Variants in MCF2L2 observed in about 807,000 individuals in gnomAD.
MCF2L2 encodes the protein MCF.2 cell line derived transforming sequence-like 2.
Under a neutral mutation model 150.2 loss-of-function variants are expected in MCF2L2, and 102 were observed. That is an observed-to-expected ratio of 0.68 (90% CI 0.58 to 0.80). MCF2L2 has a LOEUF of 0.80. MCF2L2 is among the 30% of genes least tolerant of loss of function. The pLI, the probability that MCF2L2 is intolerant of heterozygous loss-of-function variation, is 0.00. For synonymous variants in MCF2L2, 465 were observed against 491.3 expected (o/e 0.95, Z 0.71); for missense variants, 1,256 against 1,372.8 (o/e 0.91, Z 1.34).
chr3:183,374,133 C>G (rs1713044916), intron 3 of MCF2L2: 1 of 152,884 alleles, frequency 6.5e-6, no homozygotes, highest in South Asian at 2.1e-4. Context: ...ACCACCAGAT[C>G]AATCTGCTCC....
intron 3 of MCF2L2, among the ~76,000 whole-genome samples, chr3:183,359,667 G>C (rs1456045960): frequency 1.3e-5 from 2 of 152,222 alleles, no homozygotes; most frequent in Non-Finnish European, 2.9e-5. Context: ...TTCTTGAACA[G>C]CATGCTAGCA....
intron 1 of MCF2L2, among the ~76,000 whole-genome samples, chr3:183,426,567 G>A (rs1716176415): frequency 6.6e-6 from 1 of 152,244 alleles, no homozygotes; most frequent in African/African-American, 2.4e-5. Context: ...TCCAGGGAAA[G>A]ATTCAAATCC....
At chr3:183,234,410 GA>G (rs1723709512) in intron 15 of MCF2L2, among the ~76,000 whole-genome samples, 1 of 152,114 alleles carries the variant, frequency 6.6e-6, no homozygotes, top group South Asian at 2.1e-4. Flanking sequence ...ATCTCTGAAG[GA>G]AAAGAAATCC....
intron 14 of MCF2L2, among the ~76,000 whole-genome samples, chr3:183,278,514 G>A (rs1727295105): frequency 6.6e-6 from 1 of 152,152 alleles, no homozygotes; most frequent in South Asian, 2.1e-4. Flanking sequence ...AGCAGTGAAT[G>A]TTACATTGTA....
chr3:183,323,386 A>C, intron 5 of MCF2L2, 35 bp from the exon 6 acceptor site: 2 of 1,072,922 alleles, frequency 1.9e-6, no homozygotes, highest in Non-Finnish European at 2.9e-6. Context: ...CATACTCCTC[A>C]TTGATCATTA....
At chr3:183,414,857 A>C (rs1454428769) in intron 1 of MCF2L2, among the ~76,000 whole-genome samples, 1 of 152,092 alleles carries the variant, frequency 6.6e-6, no homozygotes, top group Non-Finnish European at 1.5e-5. Context: ...GTGAATTTTC[A>C]CATTTCCTTC....
chr3:183,280,977 G>A (rs1727440961), intron 14 of MCF2L2, among the ~76,000 whole-genome samples: 2 of 151,866 alleles, frequency 1.3e-5, no homozygotes, highest in Non-Finnish European at 2.9e-5. Flanking sequence ...CCAATTCTGA[G>A]GAGAGAAAAA....
chr3:183,223,511 G>C, intron 19 of MCF2L2, 73 bp from the exon 20 acceptor site: 1 of 1,158,012 alleles, frequency 8.6e-7, no homozygotes, highest in Non-Finnish European at 1.3e-6. Context: ...CAGCATTTAG[G>C]TACAAAACAC....
intron 26 of MCF2L2, among the ~76,000 whole-genome samples, chr3:183,194,072 T>C (rs1722000188): frequency 1.3e-5 from 2 of 151,980 alleles, no homozygotes; most frequent in Non-Finnish European, 2.9e-5. Context: ...TATAGCTTAT[T>C]AAATGCTGCA....
intron 25 of MCF2L2, among the ~76,000 whole-genome samples, chr3:183,201,793 C>T (rs561678793): frequency 3.3e-5 from 5 of 152,182 alleles, no homozygotes; most frequent in South Asian, 2.1e-4. Context: ...TTTTGAGATA[C>T]GTCCCATCAA....
chr3:183,298,298 A>G (rs1482546725), intron 11 of MCF2L2: 1 of 152,232 alleles, frequency 6.6e-6, no homozygotes, highest in Non-Finnish European at 1.5e-5. Context: ...TCCAGTGCCA[A>G]TACCTCTGCA....
rs184657437 is a variant in MCF2L2, at chr3:183,250,104, A to G, written c.1863-19087T>C. ...AAATACTACTGACTGTTACTGACAC[A>G]TAACAGCCTGGGCTGGGTCACTGGT... is the stretch of plus-strand genomic sequence containing the variant. On this transcript the variant is annotated intron_variant, in intron 15 of 29. Coordinates refer to ENST00000328913, the MANE Select transcript of MCF2L2 (RefSeq NM_015078.4). Among the ~76,000 whole-genome samples the G allele has an allele frequency of 3.0e-3, 458 of 152,362 alleles. 2 individuals carry two copies. The Middle Eastern group carries it at 0.034, about 11-fold the overall frequency.
At chr3:183,208,119 A>G (rs1722564282) in intron 22 of MCF2L2, among the ~76,000 whole-genome samples, 2 of 152,188 alleles carry the variant, frequency 1.3e-5, no homozygotes, top group African/African-American at 4.8e-5. Context: ...TTTTGACTCA[A>G]TTTTAACTAG....
Position 183,192,919 on chromosome 3 carries a change from G to A in MCF2L2, c.3016+80C>T, listed in dbSNP as rs113548602. On this transcript the variant is annotated intron_variant, in intron 27 of 29. Transcript: ENST00000328913. ...TAACTAAAGAAGGGCTGGGCCCTAG[G>A]TGATGTCTTCCTTAGCATCTAAGCA... The A allele has an allele frequency of 1.1e-4, 107 of 1,011,742 alleles. 2 individuals carry two copies. The African/African-American group carries it at 1.5e-3, about 14-fold the overall frequency. The allele number at this position is 1,011,742 out of a possible 1,614,324, so 62.7% of individuals were successfully genotyped here.
intron 1 of MCF2L2, among the ~76,000 whole-genome samples, chr3:183,396,065 C>A (rs1475536600): frequency 6.6e-6 from 1 of 151,438 alleles, no homozygotes. Flanking sequence ...CCCCCATGAA[C>A]ATATGTATTA....
intron 5 of MCF2L2, among the ~76,000 whole-genome samples, chr3:183,332,114 C>G (rs776616841): frequency 6.6e-6 from 1 of 152,136 alleles, no homozygotes; most frequent in Non-Finnish European, 1.5e-5. Flanking sequence ...TATCACAACA[C>G]GTTTTAAAAA....
intron 1 of MCF2L2, among the ~76,000 whole-genome samples, chr3:183,415,289 C>T (rs1277918554): frequency 6.6e-6 from 1 of 152,082 alleles, no homozygotes; most frequent in Admixed American, 6.6e-5. Flanking sequence ...CAGGTTCAAC[C>T]GATTCTCCTG....
intron 15 of MCF2L2, among the ~76,000 whole-genome samples, chr3:183,250,186 C>G (rs1302105226): frequency 6.6e-6 from 1 of 152,140 alleles, no homozygotes. Context: ...TTAACCATTT[C>G]CCAATCCCAT....
chr3:183,195,202 A>G lies in MCF2L2; in HGVS notation c.2918+20T>C, dbSNP rs1722040106. The G allele has an allele frequency of 2.5e-6, 4 of 1,586,616 alleles. No homozygotes were observed. The highest frequency in any genetic ancestry group is 3.4e-6 in the Non-Finnish European group (4 of 1,168,734). On this transcript the variant is annotated intron_variant, in intron 26 of 29. Coordinates refer to ENST00000328913, the MANE Select transcript of MCF2L2 (RefSeq NM_015078.4). Reference sequence around the variant, plus strand: ...CCAAAGCATTTGACATGCCTTTAAAATAAAAAAATCAGTACTCACCTCGTG... The same window carrying G: ...CCAAAGCATTTGACATGCCTTTAAAGTAAAAAAATCAGTACTCACCTCGTG...
Sources: gnomAD v4.1 joint callset for allele counts (sites outside exome capture counted in the v4.1 genomes callset) on GRCh38, gnomAD v4.1.1 for gene constraint, MANE v1.5 for transcripts, NCBI Gene and HGNC (gene_info 2026-07-23, HGNC 2026-07-21) for gene names.